ITLN2: variants seen among roughly 807,000 people sequenced by gnomAD.
The protein encoded by ITLN2 is intelectin 2.
In ITLN2, 29 loss-of-function variants were observed where a neutral mutation model predicts 39.4. That is an observed-to-expected ratio of 0.74 (90% CI 0.55 to 1.00). The LOEUF is 1.00. Among genes scored for constraint, ITLN2 ranks in the 50% least tolerant of loss-of-function variants. The pLI is 0.00. For missense variants in ITLN2, 412 were observed against 416.7 expected, an observed-to-expected ratio of 0.99 and a Z score of 0.10; for synonymous variants, 156 against 153.4, an observed-to-expected ratio of 1.02 and a Z score of -0.12.
chr1:160,950,768 GT>G, intron 4 of ITLN2, 57 bp from the exon 5 acceptor site: 1 of 1,572,628 alleles, frequency 6.4e-7, no homozygotes, highest in Admixed American at 1.8e-5. Context: ...GAGGCAGAAG[GT>G]CCACATGTGC....
intron 4 of ITLN2, 150 bp downstream of exon 4, chr1:160,950,893 G>A: frequency 6.6e-7 from 1 of 1,505,934 alleles, no homozygotes; most frequent in Non-Finnish European, 9.1e-7. Context: ...CAGCCTTGTT[G>A]AGAGGAAGTT....
chr1:160,954,621 C>T (rs1186025034), intron 1 of ITLN2, 106 bp downstream of exon 1: 1 of 1,397,644 alleles, frequency 7.2e-7, no homozygotes, highest in Non-Finnish European at 1.0e-6. Flanking sequence ...ACTACAAATA[C>T]CCAAGGGGCC....
At position 160,954,548 on chromosome 1, in the gene ITLN2, T is replaced by C. The variant is rs970134663; in HGVS notation, c.16-98A>G. 29 of 1,235,106 alleles carry C rather than the reference T, an allele frequency of 2.3e-5. 2 individuals carry two copies. In the South Asian group the frequency reaches 3.7e-4, roughly 16 times the overall value. The allele number at this position is 1,235,106 out of a possible 1,614,324, so 76.5% of individuals were successfully genotyped here. ...CCTTTCTGAGTCAGGAATCCTCAAA[T>C]GGAAAGTGATGGGCTCATGAGCATT... On this transcript the variant is annotated intron_variant, in intron 1 of 7. Coordinates refer to ENST00000368029, the MANE Select transcript of ITLN2 (RefSeq NM_080878.3).
chr1:160,949,618 G>A (rs781059274), intron 6 of ITLN2: 45 of 164,200 alleles, frequency 2.7e-4, no homozygotes, highest in Non-Finnish European at 4.7e-4. Context: ...CCATTAAACC[G>A]TGAGTCAACA....
intron 2 of ITLN2, among the ~76,000 whole-genome samples, 183 bp downstream of exon 2, chr1:160,954,204 G>A (rs1671812730): frequency 6.6e-6 from 1 of 152,082 alleles, no homozygotes; most frequent in Non-Finnish European, 1.5e-5. Context: ...GACCCCAGGA[G>A]AGGCCAGAAA....
At position 160,950,633 on chromosome 1, in the gene ITLN2, T is replaced by A; in HGVS notation, c.520A>T (p.Arg174Ter). The A allele has an allele frequency of 1.2e-6, 2 of 1,614,188 alleles. No homozygotes were observed. The highest frequency in any genetic ancestry group is 2.2e-5 in the South Asian group (2 of 91,088). Reference protein sequence around the residue: ...VPNKSPMQHWRNSALLRYRTN... With the variant: ...VPNKSPMQHW ...CGGTACCTCAGCAGGGCGCTGTTTC[T>A]CCAATGCTGCATGGGGGACTTGTTG... Residue 174 changes from arginine to a stop codon, truncating the protein, a stop_gained, in exon 5 of 8, where the codon AGA becomes TGA. Transcript: ENST00000368029. LOFTEE classifies it high-confidence loss of function.
intron 3 of ITLN2, 38 bp downstream of exon 3, chr1:160,952,582 G>C: frequency 7.0e-7 from 1 of 1,428,048 alleles, no homozygotes; most frequent in South Asian, 1.1e-5. Flanking sequence ...CTAAAAAGTG[G>C]CTTCAAAGAG....
Position 160,945,055 on chromosome 1 carries a change from C to T in ITLN2, c.*85G>A. On this transcript the variant is annotated 3_prime_UTR_variant, in exon 8 of 8. Coordinates refer to ENST00000368029, the MANE Select transcript of ITLN2 (RefSeq NM_080878.3). ...AATTGATGTGATTTAGTCTCCTCTCCTCCTTGTTAGAATTCCAGTTTTTCC... is the reference window on the plus strand; with the variant it reads ...AATTGATGTGATTTAGTCTCCTCTCTTCCTTGTTAGAATTCCAGTTTTTCC... 7.9e-7 allele frequency: 1 copy of T among 1,264,100 alleles called. No homozygotes were observed. The highest frequency in any genetic ancestry group is 1.1e-6 in the Non-Finnish European group (1 of 917,526). 78.3% of individuals were successfully genotyped at this position (1,264,100 alleles called of 1,614,324 possible).
intron 3 of ITLN2, chr1:160,951,531 A>G: frequency 2.0e-6 from 1 of 496,076 alleles, no homozygotes; most frequent in Non-Finnish European, 3.5e-6. Flanking sequence ...GAAGAGACAG[A>G]GATGGTATCT....
rs868551800 is a variant in ITLN2, at chr1:160,951,467, A to G, written c.194-177T>C. ...TGCTCACCTATGAGCAGAGGCACTGACTGTCTTGGCTTCACACTATCTTTT... is the reference window on the plus strand; with the variant it reads ...TGCTCACCTATGAGCAGAGGCACTGGCTGTCTTGGCTTCACACTATCTTTT... On this transcript the variant is annotated intron_variant, in intron 3 of 7. Coordinates refer to ENST00000368029, the MANE Select transcript of ITLN2 (RefSeq NM_080878.3). The G allele has an allele frequency of 2.5e-5, 19 of 764,248 alleles. 1 individual carries two copies. The Middle Eastern group carries it at 4.0e-3, about 161-fold the overall frequency. 47.3% of individuals were successfully genotyped at this position (764,248 alleles called of 1,614,324 possible).
At chr1:160,951,872 C>T (rs185902532) in intron 3 of ITLN2, among the ~76,000 whole-genome samples, 13 of 152,356 alleles carry the variant, frequency 8.5e-5, no homozygotes, top group Non-Finnish European at 1.8e-4. Context: ...TTCTCACCCC[C>T]CTTCCCATCT....
At position 160,947,981 on chromosome 1, in the gene ITLN2, G is replaced by C. The variant is rs1453580811; in HGVS notation, c.773C>G (p.Ala258Gly). Reference sequence around the variant, plus strand: ...TATCCCAGCACAAAGGGCGTTGGCTGCTCTCTCGTTATTAAACACCCGGAA... The same window carrying C: ...TATCCCAGCACAAAGGGCGTTGGCTCCTCTCTCGTTATTAAACACCCGGAA... ...VQFRVFNNER[A>G]ANALCAGIKV... The change falls in exon 7 of 8, where the codon GCA becomes GGA. Residue 258 changes from alanine (A) to glycine (G), a missense_variant. Physicochemically the swap from Ala to Gly is moderately conservative, Grantham distance 60. Coordinates refer to ENST00000368029, the MANE Select transcript of ITLN2 (RefSeq NM_080878.3). 3.7e-6 allele frequency: 6 copies of C among 1,613,950 alleles called. No homozygotes were observed. In the Admixed American group the frequency reaches 5.0e-5, roughly 13 times the overall value.
At chr1:160,947,792 T>C (rs1355789930) in intron 7 of ITLN2, 137 bp downstream of exon 7, 8 of 628,798 alleles carry the variant, frequency 1.3e-5, no homozygotes, top group Non-Finnish European at 2.2e-5. Flanking sequence ...TAACAGCATC[T>C]CAAAGCAGAA....
chr1:160,952,458 G>A (rs1463738431), intron 3 of ITLN2, among the ~76,000 whole-genome samples, 162 bp downstream of exon 3: 1 of 152,210 alleles, frequency 6.6e-6, no homozygotes, highest in Non-Finnish European at 1.5e-5. Context: ...TGACTGGAAT[G>A]GGACACAAAA....
Position 160,947,930 on chromosome 1 carries a change from T to G in ITLN2, c.824A>C (p.His275Pro). The G allele has an allele frequency of 1.2e-6, 2 of 1,610,578 alleles. No homozygotes were observed. Among genetic ancestry groups the G allele is most frequent in the Non-Finnish European group, 1.7e-6 (2 of 1,176,810 alleles). Residue 275 changes from histidine to proline, a missense_variant and splice_region_variant, in exon 7 of 8, where the codon CAT becomes CCT. Physicochemically the swap from His to Pro is moderately conservative, Grantham distance 77 (BLOSUM62 -2). Transcript: ENST00000368029. The stretch of plus-strand genomic sequence containing the variant: ...CCATTGATCTCCCCAAAAACTCACA[T>G]GCTCAGTGTTACAGCCAGTAACTTT... ...GIKVTGCNTE[H>P]HCIGGGGFFP...
Position 160,945,245 on chromosome 1 carries a change from C to A in ITLN2, c.873G>T (p.Gln291His). 1 of 1,603,832 alleles carries A rather than the reference C, an allele frequency of 6.2e-7. No individual in the cohort carries two copies. The highest frequency in any genetic ancestry group is 8.5e-7 in the Non-Finnish European group (1 of 1,177,442). Residue 291 changes from glutamine to histidine, a missense_variant, in exon 8 of 8, where the codon CAG becomes CAT. By Grantham distance (24) the Gln-to-His change is conservative. Coordinates refer to ENST00000368029, the MANE Select transcript of ITLN2 (RefSeq NM_080878.3). ...GGFFPQGKPR[Q>H]CGDFSAFDWD... ...AGTCAAAGGCGGAGAAGTCCCCACA[C>A]TGACGGGGTTTGCCCTGTGGGAAGA...
At chr1:160,947,470 A>G (rs1269164620) in intron 7 of ITLN2, among the ~76,000 whole-genome samples, 1 of 152,080 alleles carries the variant, frequency 6.6e-6, no homozygotes, top group Non-Finnish European at 1.5e-5. Flanking sequence ...CTCAGCACAG[A>G]CCCTTTACGG....
In ITLN2 at chr1:160,950,563, C is replaced by A; in HGVS notation, c.590G>T (p.Gly197Val). 3 of 1,613,894 alleles carry A rather than the reference C, an allele frequency of 1.9e-6. No individual in the cohort carries two copies. ...AGCAGCCCTGTGTACCTGGTAGATG[C>A]CAAACAGATTATGTCCCAGTCTCTG... is the stretch of plus-strand genomic sequence containing the variant. ...FLQRLGHNLF[G>V]IYQKYPVKYR... The change falls in exon 5 of 8, where the codon GGC (glycine) becomes GTC (valine). Residue 197 changes from glycine (G) to valine (V), a missense_variant. Transcript: ENST00000368029.
In ITLN2 at chr1:160,953,301, A is replaced by T. The variant is rs146416974; in HGVS notation, c.80-568T>A. 7.0e-3 allele frequency among the ~76,000 whole-genome samples: 1,069 copies of T among 152,352 alleles called. 17 individuals are homozygous for T. The highest frequency in any genetic ancestry group is 0.024 in the African/African-American group (1,005 of 41,570). ...TGGAACATATGTTGTAATACAAAGA[A>T]GTCTGGAAACCAAAGCTGAAAAATT... is the stretch of plus-strand genomic sequence containing the variant. On this transcript the variant is annotated intron_variant, in intron 2 of 7. Coordinates refer to ENST00000368029, the MANE Select transcript of ITLN2 (RefSeq NM_080878.3).
Sources: gnomAD v4.1 joint callset for allele counts (sites outside exome capture counted in the v4.1 genomes callset) on GRCh38, gnomAD v4.1.1 for gene constraint, MANE v1.5 for transcripts, NCBI Gene and HGNC (gene_info 2026-07-23, HGNC 2026-07-21) for gene names.